The following KLHL1 variants were observed in gnomAD, a reference collection of about 807,000 sequenced individuals.
KLHL1 encodes the protein kelch-like protein 1.
A neutral mutation model predicts 77.7 loss-of-function variants in KLHL1; 47 were observed. That is an observed-to-expected ratio of 0.60 (90% CI 0.48 to 0.77). KLHL1 has a LOEUF of 0.77. Among genes scored for constraint, KLHL1 ranks in the 30% least tolerant of loss-of-function variants. The pLI, the probability that KLHL1 is intolerant of heterozygous loss-of-function variation, is 0.00. For synonymous variants in KLHL1, 360 were observed against 325.2 expected, an observed-to-expected ratio of 1.11 and a Z score of -1.15; for missense variants, 925 against 910.8, an observed-to-expected ratio of 1.02 and a Z score of -0.20.
At chr13:69,721,079 A>ATATATATATATATAT (rs1555300737) in intron 8 of KLHL1, among the ~76,000 whole-genome samples, 62 of 67,600 alleles carry the variant, frequency 9.2e-4, no homozygotes, top group East Asian at 2.4e-3. Context: ...ATATATATAT[A>ATATATATATATATAT]AAGCTATGTA....
In KLHL1 at chr13:69,700,940, C is replaced by CAAAAGCCCAATA. The variant is rs1354486047; in HGVS notation, c.*750_*761dup. 6.6e-6 allele frequency: 1 copy of CAAAAGCCCAATA among 152,280 alleles called. No individual in the cohort carries two copies. The highest frequency in any genetic ancestry group is 1.9e-4 in the East Asian group (1 of 5,164). The allele number at this position is 152,280 out of a possible 1,614,324, so 9.4% of individuals were successfully genotyped here. ...TGCTTACACTGAACTCAACATAAGG[C>CAAAAGCCCAATA]AAAAGCCCAATAATTACACTGCATC... On this transcript the variant is annotated 3_prime_UTR_variant, in exon 11 of 11. Coordinates refer to ENST00000377844, the MANE Select transcript of KLHL1 (RefSeq NM_020866.3).
intron 7 of KLHL1, among the ~76,000 whole-genome samples, chr13:69,745,758 ATACT>A (rs1874183880): frequency 1.3e-5 from 2 of 152,040 alleles, no homozygotes; most frequent in African/African-American, 4.8e-5. Flanking sequence ...AACATGAAAA[ATACT>A]TGTTCTAAAT....
chr13:69,761,366 A>T (rs1875012386), intron 7 of KLHL1, among the ~76,000 whole-genome samples: 1 of 152,204 alleles, frequency 6.6e-6, no homozygotes, highest in South Asian at 2.1e-4. Flanking sequence ...AACTCTATTT[A>T]TTAATACAAA....
intron 1 of KLHL1, among the ~76,000 whole-genome samples, chr13:70,092,449 C>T (rs191493329): frequency 6.6e-6 from 1 of 152,162 alleles, no homozygotes; most frequent in East Asian, 1.9e-4. Flanking sequence ...TAAACTCTGT[C>T]GTCTTTGCTT....
chr13:69,973,578 A>G (rs1884458774), intron 2 of KLHL1, among the ~76,000 whole-genome samples: 1 of 151,858 alleles, frequency 6.6e-6, no homozygotes, highest in Admixed American at 6.6e-5. Flanking sequence ...ATATACTAAA[A>G]GTATTAAAAT....
intron 4 of KLHL1, among the ~76,000 whole-genome samples, chr13:69,897,164 T>G (rs1376290600): frequency 6.6e-6 from 1 of 152,126 alleles, no homozygotes; most frequent in Non-Finnish European, 1.5e-5. Flanking sequence ...TACAGAAAAC[T>G]TTTGATTTTC....
chr13:69,952,617 A>G (rs1329861265), intron 3 of KLHL1, among the ~76,000 whole-genome samples: 3 of 151,380 alleles, frequency 2.0e-5, no homozygotes, highest in Admixed American at 6.6e-5. Context: ...GGAATCAGTG[A>G]TCAAGGTATT....
Position 70,107,200 on chromosome 13 carries a change from T to C in KLHL1, c.497+3A>G. 1 of 1,600,462 alleles carries C rather than the reference T, an allele frequency of 6.2e-7. No individual in the cohort carries two copies. The highest frequency in any genetic ancestry group is 8.5e-7 in the Non-Finnish European group (1 of 1,172,752). On this transcript the variant is annotated splice_donor_region_variant and intron_variant, in intron 1 of 10. Coordinates refer to ENST00000377844, the MANE Select transcript of KLHL1 (RefSeq NM_020866.3). Reference sequence around the variant, plus strand: ...TTGGAAGCCCCGTGGGGACTTACTGTACCTGTGTCCACATCCTTCACCTGT... The same window carrying C: ...TTGGAAGCCCCGTGGGGACTTACTGCACCTGTGTCCACATCCTTCACCTGT...
chr13:69,824,494 T>C (rs1232904079), intron 6 of KLHL1, among the ~76,000 whole-genome samples: 1 of 152,120 alleles, frequency 6.6e-6, no homozygotes, highest in Non-Finnish European at 1.5e-5. Context: ...ATCAGCTTTA[T>C]TCATAATAGC....
intron 1 of KLHL1, among the ~76,000 whole-genome samples, chr13:70,029,543 A>G (rs1160114822): frequency 6.6e-6 from 1 of 152,140 alleles, no homozygotes; most frequent in Non-Finnish European, 1.5e-5. Flanking sequence ...CTTTACAGAC[A>G]AGCAAATGCT....
chr13:69,826,753 GA>G (rs1434910934), intron 6 of KLHL1, among the ~76,000 whole-genome samples: 1 of 149,206 alleles, frequency 6.7e-6, no homozygotes, highest in African/African-American at 2.5e-5. Context: ...TTTTTAAATT[GA>G]AAAATAAATA....
chr13:69,860,685 T>C (rs183862540), intron 5 of KLHL1, among the ~76,000 whole-genome samples: 83 of 152,008 alleles, frequency 5.5e-4, no homozygotes, highest in African/African-American at 1.9e-3. Flanking sequence ...TAAAAATATT[T>C]TGTACATGTT....
intron 1 of KLHL1, among the ~76,000 whole-genome samples, chr13:70,010,745 A>T (rs1254700208): frequency 6.6e-6 from 1 of 151,708 alleles, no homozygotes; most frequent in East Asian, 1.9e-4. Flanking sequence ...ATAAAAAATT[A>T]GCTGGGTGTG....
chr13:69,702,064 A>G (rs909835910), intron 10 of KLHL1, among the ~76,000 whole-genome samples: 1 of 151,674 alleles, frequency 6.6e-6, no homozygotes, highest in Non-Finnish European at 1.5e-5. Context: ...TCTATTCTGG[A>G]GTTTGCATGG....
At chr13:70,073,309 C>T (rs955370237) in intron 1 of KLHL1, among the ~76,000 whole-genome samples, 5 of 151,882 alleles carry the variant, frequency 3.3e-5, no homozygotes. Flanking sequence ...ATTGCAAGGA[C>T]AAAAAACCAA....
At chr13:70,003,740 A>G (rs922867472) in intron 1 of KLHL1, among the ~76,000 whole-genome samples, 3 of 151,800 alleles carry the variant, frequency 2.0e-5, no homozygotes, top group African/African-American at 7.2e-5. Context: ...TACATAACAC[A>G]TGGAAAAGAG....
At chr13:69,839,217 G>T in intron 5 of KLHL1, 55 bp from the exon 6 acceptor site, 3 of 1,215,392 alleles carry the variant, frequency 2.5e-6, no homozygotes, top group Non-Finnish European at 1.1e-6. Context: ...TGAACATTAT[G>T]TCATTCCTTA....
At chr13:69,985,415 A>C (rs572802577) in intron 1 of KLHL1, among the ~76,000 whole-genome samples, 27 of 152,214 alleles carry the variant, frequency 1.8e-4, no homozygotes, top group African/African-American at 6.5e-4. Flanking sequence ...ATCATCAGAT[A>C]AATGCAAATC....
intron 7 of KLHL1, among the ~76,000 whole-genome samples, chr13:69,771,121 A>G (rs1049487909): frequency 6.6e-6 from 1 of 152,102 alleles, no homozygotes; most frequent in African/African-American, 2.4e-5. Context: ...TCTCTGCCTG[A>G]TAAGTCTTCA....
Sources: gnomAD v4.1 joint callset for allele counts (sites outside exome capture counted in the v4.1 genomes callset) on GRCh38, gnomAD v4.1.1 for gene constraint, MANE v1.5 for transcripts, NCBI Gene and HGNC (gene_info 2026-07-23, HGNC 2026-07-21) for gene names.